Variants in LATS2 observed in about 807,000 individuals in gnomAD.
The protein encoded by LATS2 is large tumor suppressor kinase 2.
LATS2 carries 24 observed loss-of-function variants against 76.0 expected under a neutral mutation model. That is an observed-to-expected ratio of 0.32 (90% CI 0.23 to 0.44). LATS2 has a LOEUF of 0.44. LATS2 is among the 20% of genes least tolerant of loss of function. The pLI is 1.00. For missense variants in LATS2, 1,286 were observed against 1,481.2 expected, an observed-to-expected ratio of 0.87 and a Z score of 2.16; for synonymous variants, 692 against 635.4, an observed-to-expected ratio of 1.09 and a Z score of -1.34.
Position 21,045,890 on chromosome 13 carries a change from G to T in LATS2, c.137C>A (p.Ser46Tyr), listed in dbSNP as rs763662441. The change falls in exon 2 of 8, where the codon TCC becomes TAC. Residue 46 changes from serine (S) to tyrosine (Y), a missense_variant. Ser to Tyr is a moderately radical substitution (Grantham distance 144, BLOSUM62 -2). This residue lies in a region of LATS2 where 101 missense variants were observed against 141.4 expected (regional missense o/e 0.71). Transcript: ENST00000382592. Reference protein sequence around the residue: ...GLPAGPNSDTSLDAKVLGSKD... With the variant: ...GLPAGPNSDTYLDAKVLGSKD... Reference sequence around the variant, plus strand: ...GCTCCCCAGGACTTTGGCATCCAGGGAAGTGTCACTGTTTGGTCCTGCGGG... The same window carrying T: ...GCTCCCCAGGACTTTGGCATCCAGGTAAGTGTCACTGTTTGGTCCTGCGGG... 1 of 1,614,092 alleles carries T rather than the reference G, an allele frequency of 6.2e-7. No individual in the cohort carries two copies. The highest frequency in any genetic ancestry group is 1.3e-5 in the African/African-American group (1 of 74,922).
intron 2 of LATS2, among the ~76,000 whole-genome samples, chr13:21,025,869 T>C (rs1872293199): frequency 6.6e-6 from 1 of 152,098 alleles, no homozygotes; most frequent in African/African-American, 2.4e-5. Flanking sequence ...TACGTCTGGG[T>C]TGATTTTTTC....
At chr13:21,021,474 C>CAAAAAAAAAAAAAAAAAAAA (rs58976562) in intron 2 of LATS2, among the ~76,000 whole-genome samples, 1 of 48,372 alleles carries the variant, frequency 2.1e-5, no homozygotes, top group African/African-American at 6.9e-5. Context: ...GACTCTGTCT[C>CAAAAAAAAAAAAAAAAAAAA]AAAAAAAAAA....
At chr13:21,030,175 C>T (rs1324990518) in intron 2 of LATS2, among the ~76,000 whole-genome samples, 1 of 151,918 alleles carries the variant, frequency 6.6e-6, no homozygotes, top group Non-Finnish European at 1.5e-5. Flanking sequence ...CATCTCCCAC[C>T]ATGCCCTACA....
At chr13:20,987,115 A>C (rs1870183396) in intron 4 of LATS2, among the ~76,000 whole-genome samples, 1 of 152,234 alleles carries the variant, frequency 6.6e-6, no homozygotes, top group Non-Finnish European at 1.5e-5. Context: ...GAATCGCTTG[A>C]ACCCAGGAGG....
intron 2 of LATS2, among the ~76,000 whole-genome samples, chr13:20,999,404 T>C (rs1347546438): frequency 2.0e-5 from 3 of 152,246 alleles, no homozygotes; most frequent in Non-Finnish European, 4.4e-5. Flanking sequence ...GTTTTGTGTA[T>C]TTTTAAGGGC....
chr13:21,035,896 GC>G (rs998892609), intron 2 of LATS2, among the ~76,000 whole-genome samples: 21 of 152,082 alleles, frequency 1.4e-4, no homozygotes, highest in African/African-American at 4.8e-4. Flanking sequence ...TTCCTCAAAA[GC>G]CCCCTTCCCC....
rs58156767 is a variant in LATS2, at chr13:20,973,514, C to CTGTGTGTG, written c.*1348_*1355dup. 8.0e-5 allele frequency: 18 copies of CTGTGTGTG among 224,300 alleles called. No homozygotes were observed. The highest frequency in any genetic ancestry group is 5.7e-4 in the East Asian group (9 of 15,750). 13.9% of individuals were successfully genotyped at this position (224,300 alleles called of 1,614,324 possible). A position where few individuals can be genotyped will look rare whatever the true frequency, so the allele number is the denominator to read the frequency against. On this transcript the variant is annotated 3_prime_UTR_variant, in exon 8 of 8. Coordinates refer to ENST00000382592, the MANE Select transcript of LATS2 (RefSeq NM_014572.3). ...GAAATAAGGAATATTGTGTTTATCTCTGTGTGTGTGTGTGTGTGTGTATAC... is the reference window on the plus strand; with the variant it reads ...GAAATAAGGAATATTGTGTTTATCTCTGTGTGTGTGTGTGTGTGTGTGTGTGTGTATAC...
intron 1 of LATS2, among the ~76,000 whole-genome samples, chr13:21,052,081 CT>C (rs1873290621): frequency 6.6e-6 from 1 of 152,152 alleles, no homozygotes; most frequent in South Asian, 2.1e-4. Flanking sequence ...GTCACTTAAC[CT>C]TGCTGAGTTT....
Position 20,993,035 on chromosome 13 carries a change from CAAAAAAAAAAAAA to C in LATS2, c.343-1644_343-1632del, listed in dbSNP as rs551359225. Reference sequence around the variant, plus strand: ...TGGCGACAAAGTGTGACTCCATCTCCAAAAAAAAAAAAAAAAAAAAAAAAAATGGGGGGGTGGA... The same window carrying C: ...TGGCGACAAAGTGTGACTCCATCTCCAAAAAAAAAAAAATGGGGGGGTGGA... On this transcript the variant is annotated intron_variant, in intron 2 of 7. Coordinates refer to ENST00000382592, the MANE Select transcript of LATS2 (RefSeq NM_014572.3). Among the ~76,000 whole-genome samples the C allele has an allele frequency of 8.7e-3, 774 of 88,996 alleles. 13 individuals carry two copies. Among genetic ancestry groups the C allele is most frequent in the African/African-American group, 0.038 (728 of 19,242 alleles). The allele number at this position is 88,996 out of a possible 152,430, so 58.4% of individuals were successfully genotyped here. A position where few individuals can be genotyped will look rare whatever the true frequency, so the allele number is the denominator to read the frequency against.
chr13:20,974,352 A>C lies in LATS2; in HGVS notation c.*518T>G. 1 of 225,994 alleles carries C rather than the reference A, an allele frequency of 4.4e-6. No homozygotes were observed. The highest frequency in any genetic ancestry group is 8.8e-6 in the Non-Finnish European group (1 of 113,752). The allele number at this position is 225,994 out of a possible 1,614,324, so 14.0% of individuals were successfully genotyped here. A position where few individuals can be genotyped will look rare whatever the true frequency, so the allele number is the denominator to read the frequency against. On this transcript the variant is annotated 3_prime_UTR_variant, in exon 8 of 8. Transcript: ENST00000382592. ...TATCATTATATCACAATTTTGAAAC[A>C]TGGGAAAAAATAAAAAACAAAAACC...
intron 2 of LATS2, among the ~76,000 whole-genome samples, chr13:21,012,212 A>T (rs1172132346): frequency 6.6e-6 from 1 of 152,218 alleles, no homozygotes; most frequent in Admixed American, 6.5e-5. Context: ...AGATTAAAAA[A>T]AATGCATATC....
chr13:21,030,591 C>CAAA (rs374884189), intron 2 of LATS2, among the ~76,000 whole-genome samples: 30 of 25,606 alleles, frequency 1.2e-3, no homozygotes, highest in African/African-American at 1.7e-3. Context: ...GACTCCGTCT[C>CAAA]AAAAAAAAAA....
chr13:20,980,468 A>G lies in LATS2; in HGVS notation c.2666-671T>C, dbSNP rs191939999. On this transcript the variant is annotated intron_variant, in intron 6 of 7. Coordinates refer to ENST00000382592, the MANE Select transcript of LATS2 (RefSeq NM_014572.3). ...TCATGTCACCTAATCCTTGCTAAGT[A>G]TAAACTGGGATGTTAAGAGGTCAGT... Among the ~76,000 whole-genome samples the G allele has an allele frequency of 1.2e-3, 184 of 152,298 alleles. 1 individual carries two copies. The highest frequency in any genetic ancestry group is 4.3e-3 in the African/African-American group (178 of 41,564).
intron 2 of LATS2, among the ~76,000 whole-genome samples, chr13:20,993,170 T>C (rs1384093845): frequency 6.6e-6 from 1 of 151,670 alleles, no homozygotes; most frequent in Non-Finnish European, 1.5e-5. Flanking sequence ...CAGAGAGAGA[T>C]GCAGCACTGA....
chr13:20,988,154 C>G lies in LATS2; in HGVS notation c.1626G>C (p.Gln542His). The G allele has an allele frequency of 1.9e-6, 3 of 1,614,110 alleles. No homozygotes were observed. Among genetic ancestry groups the G allele is most frequent in the South Asian group, 2.2e-5 (2 of 91,078 alleles). Residue 542 changes from glutamine (Q) to histidine (H), a missense_variant, in exon 4 of 8, where the codon CAG (glutamine) becomes CAC (histidine). Transcript: ENST00000382592. ...GCTCGTTGGGGCCCGCACGGAGGCT[C>G]TGCTCCATGCCTGCGCACAGGCTGT... The part of the protein sequence containing the change: ...DLDSLCAGME[Q>H]SLRAGPNEPE...
rs1427534834 is a variant in LATS2, at chr13:20,988,850, C to T, written c.930G>A (p.Gly310=). The change falls in exon 4 of 8, where the codon GGG becomes GGA. Residue 310 remains glycine (G), a synonymous_variant. Transcript: ENST00000382592. Reference sequence around the variant, plus strand: ...TGTGGTGTGGGTGCGGCACGTAGAGCCCGGCGGCAGGGGGTGGGAAAGCGA... The same window carrying T: ...TGTGGTGTGGGTGCGGCACGTAGAGTCCGGCGGCAGGGGGTGGGAAAGCGA... ...AGLAFPPPAA[G]LYVPHPHHKQ... is the part of the protein sequence containing the mutation. The T allele has an allele frequency of 6.3e-7, 1 of 1,590,284 alleles. No individual in the cohort carries two copies. The highest frequency in any genetic ancestry group is 8.5e-7 in the Non-Finnish European group (1 of 1,174,260).
At chr13:21,021,474 CAAAAA>C (rs58976562) in intron 2 of LATS2, among the ~76,000 whole-genome samples, 5 of 48,370 alleles carry the variant, frequency 1.0e-4, no homozygotes, top group African/African-American at 3.4e-4. Flanking sequence ...GACTCTGTCT[CAAAAA>C]AAAAAAAAAA....
chr13:20,989,895 A>C (rs569317874), intron 3 of LATS2, among the ~76,000 whole-genome samples: 1 of 152,378 alleles, frequency 6.6e-6, no homozygotes, highest in Non-Finnish European at 1.5e-5. Flanking sequence ...ACAAATATCC[A>C]GATTGATTTC....
At chr13:21,047,458 C>T (rs1204031050) in intron 1 of LATS2, among the ~76,000 whole-genome samples, 6 of 152,236 alleles carry the variant, frequency 3.9e-5, no homozygotes, top group Non-Finnish European at 2.9e-5. Flanking sequence ...GCAGGGCCAG[C>T]ACCCCACACC....
Sources: gnomAD v4.1 joint callset for allele counts (sites outside exome capture counted in the v4.1 genomes callset) on GRCh38, gnomAD v4.1.1 for gene constraint, gnomAD v4.1.1 regional missense constraint, MANE v1.5 for transcripts, NCBI Gene and HGNC (gene_info 2026-07-23, HGNC 2026-07-21) for gene names.